ETV6: variants seen among roughly 807,000 people sequenced by gnomAD.
The protein encoded by ETV6 is ETS variant transcription factor 6.
In ETV6, 16 loss-of-function variants were observed where a neutral mutation model predicts 51.1. That is an observed-to-expected ratio of 0.31 (90% CI 0.21 to 0.48). ETV6 has a LOEUF of 0.48. ETV6 is among the 20% of genes least tolerant of loss of function. ETV6 has a pLI of 0.99. For synonymous variants in ETV6, 240 were observed against 224.1 expected (o/e 1.07, Z -0.64); for missense variants, 458 against 594.8 (o/e 0.77, Z 2.39).
rs59376864 is a variant in ETV6 at position 11,893,793 on chromosome 12, T to TC, written c.*2747_*2748insC. The TC allele has an allele frequency of 4.9e-5, 2 of 41,008 alleles. No homozygotes were observed. Among genetic ancestry groups the TC allele is most frequent in the African/African-American group, 2.1e-4 (2 of 9,746 alleles). 2.5% of individuals were successfully genotyped at this position (41,008 alleles called of 1,614,324 possible). On this transcript the variant is annotated 3_prime_UTR_variant, in exon 8 of 8. Transcript: ENST00000396373. ...TGTGTCCATCCCCAAGATCTCTCAT[T>TC]TTATATATATATATATATATATATA...
Position 11,650,492 on chromosome 12 carries a change from AAAACAAAAAAC to A in ETV6, c.33+336_33+346del, listed in dbSNP as rs1443578956. ...GTAATTAGTGCGCTTAAAAAAAAAA[AAAACAAAAAAC>A]AAAAAAAAAAAACCTGCTCCCTATT... On this transcript the variant is annotated intron_variant, in intron 1 of 7. Coordinates refer to ENST00000396373, the MANE Select transcript of ETV6 (RefSeq NM_001987.5). Among the ~76,000 whole-genome samples, 198 of 68,756 alleles carry A rather than the reference AAAACAAAAAAC, an allele frequency of 2.9e-3. 9 individuals carry two copies. Among genetic ancestry groups the A allele is most frequent in the Admixed American group, 4.7e-3 (28 of 5,896 alleles). The allele number at this position is 68,756 out of a possible 152,430, so 45.1% of individuals were successfully genotyped here. A position where few individuals can be genotyped will look rare whatever the true frequency, so the allele number is the denominator to read the frequency against.
chr12:11,885,903 C>T (rs1281220014), intron 6 of ETV6, 23 bp from the exon 7 acceptor site: 12 of 1,566,134 alleles, frequency 7.7e-6, no homozygotes, highest in Admixed American at 6.9e-5. Flanking sequence ...CTTTTTTTCT[C>T]CCTTCCTCCT....
At chr12:11,713,313 T>C (rs1012266276) in intron 1 of ETV6, among the ~76,000 whole-genome samples, 7 of 152,218 alleles carry the variant, frequency 4.6e-5, no homozygotes, top group African/African-American at 1.7e-4. Context: ...GGTAATCACC[T>C]TTTTAGATTT....
At position 11,890,882 on chromosome 12, in the gene ETV6, G is replaced by C. The variant is rs530498882; in HGVS notation, c.1254-59G>C. ...TTCTTTATATACAGGCTAGAGTTCAGAGTGAAGACAGCTTTAGGAAAATGG... is the reference window on the plus strand; with the variant it reads ...TTCTTTATATACAGGCTAGAGTTCACAGTGAAGACAGCTTTAGGAAAATGG... On this transcript the variant is annotated intron_variant, in intron 7 of 7. Coordinates refer to ENST00000396373, the MANE Select transcript of ETV6 (RefSeq NM_001987.5). 7.8e-6 allele frequency: 10 copies of C among 1,287,946 alleles called. No homozygotes were observed. The South Asian group carries it at 1.1e-4, about 14-fold the overall frequency. 79.8% of individuals were successfully genotyped at this position (1,287,946 alleles called of 1,614,324 possible). A position where few individuals can be genotyped will look rare whatever the true frequency, so the allele number is the denominator to read the frequency against.
chr12:11,702,614 C>T (rs1166045496), intron 1 of ETV6, among the ~76,000 whole-genome samples: 1 of 144,642 alleles, frequency 6.9e-6, no homozygotes, highest in Non-Finnish European at 1.5e-5. Flanking sequence ...CTCTTGGTAA[C>T]AAAAGAAGTC....
At chr12:11,776,098 C>T (rs1007877966) in intron 2 of ETV6, among the ~76,000 whole-genome samples, 2 of 152,162 alleles carry the variant, frequency 1.3e-5, no homozygotes, top group Non-Finnish European at 2.9e-5. Flanking sequence ...CAAGATTTAG[C>T]CTGGGAGCTC....
At chr12:11,863,550 A>T (rs1946746726) in intron 4 of ETV6, among the ~76,000 whole-genome samples, 1 of 152,080 alleles carries the variant, frequency 6.6e-6, no homozygotes, top group African/African-American at 2.4e-5. Context: ...CCATATCAAG[A>T]CCTTCAGAAT....
At chr12:11,705,456 T>G (rs1305882567) in intron 1 of ETV6, among the ~76,000 whole-genome samples, 2 of 152,226 alleles carry the variant, frequency 1.3e-5, no homozygotes, top group Admixed American at 1.3e-4. Context: ...TCGATTAGAT[T>G]ATCTGCATTG....
At chr12:11,854,581 C>T (rs972024905) in intron 4 of ETV6, among the ~76,000 whole-genome samples, 3 of 152,132 alleles carry the variant, frequency 2.0e-5, no homozygotes, top group Admixed American at 6.5e-5. Context: ...CAAACATACT[C>T]CAAATAGAAT....
chr12:11,722,996 T>C (rs1865419257), intron 1 of ETV6, among the ~76,000 whole-genome samples: 1 of 152,194 alleles, frequency 6.6e-6, no homozygotes, highest in East Asian at 1.9e-4. Flanking sequence ...GACCGCACTT[T>C]AATAACCACA....
intron 2 of ETV6, among the ~76,000 whole-genome samples, chr12:11,819,873 A>G (rs1181053950): frequency 1.3e-5 from 2 of 152,182 alleles, no homozygotes; most frequent in Admixed American, 1.3e-4. Context: ...CTGCAGCTGG[A>G]GTGATCCTTT....
chr12:11,704,461 C>G (rs1865037141), intron 1 of ETV6, among the ~76,000 whole-genome samples: 1 of 152,116 alleles, frequency 6.6e-6, no homozygotes, highest in Non-Finnish European at 1.5e-5. Flanking sequence ...ATTCTCCTGT[C>G]CCAGCCTCCC....
chr12:11,852,064 G>A (rs1394265195), intron 3 of ETV6, among the ~76,000 whole-genome samples: 1 of 152,220 alleles, frequency 6.6e-6, no homozygotes, highest in Non-Finnish European at 1.5e-5. Context: ...ATATCTGTGT[G>A]TGGAGAAGGG....
At chr12:11,829,508 G>T (rs956038678) in intron 2 of ETV6, among the ~76,000 whole-genome samples, 1 of 152,144 alleles carries the variant, frequency 6.6e-6, no homozygotes, top group Non-Finnish European at 1.5e-5. Flanking sequence ...AATGCTACAT[G>T]GCTCTCACCA....
At chr12:11,674,313 C>T (rs191191791) in intron 1 of ETV6, among the ~76,000 whole-genome samples, 3 of 152,108 alleles carry the variant, frequency 2.0e-5, no homozygotes, top group African/African-American at 7.2e-5. Context: ...GAATTCTGGG[C>T]CAAAGAGCAG....
chr12:11,710,104 G>T (rs906971471), intron 1 of ETV6, among the ~76,000 whole-genome samples: 1 of 152,152 alleles, frequency 6.6e-6, no homozygotes, highest in African/African-American at 2.4e-5. Context: ...AAGGCATTTG[G>T]ATGATTCTGG....
chr12:11,765,223 T>G (rs1270265024), intron 2 of ETV6, among the ~76,000 whole-genome samples: 1 of 152,222 alleles, frequency 6.6e-6, no homozygotes, highest in Non-Finnish European at 1.5e-5. Context: ...TCCCTTGCTC[T>G]GTCTCCTGGT....
chr12:11,774,564 C>G (rs559127755), intron 2 of ETV6, among the ~76,000 whole-genome samples: 2 of 152,120 alleles, frequency 1.3e-5, no homozygotes, highest in Non-Finnish European at 2.9e-5. Flanking sequence ...TGTTGGCTCC[C>G]GAAGCACCTT....
chr12:11,734,436 G>A (rs936027523), intron 1 of ETV6, among the ~76,000 whole-genome samples: 19 of 149,574 alleles, frequency 1.3e-4, no homozygotes, highest in African/African-American at 4.5e-4. Context: ...ACGAAACCTC[G>A]TCTCTACAAA....
Sources: allele counts gnomAD v4.1 joint callset (sites outside exome capture counted in the v4.1 genomes callset), GRCh38; gene constraint gnomAD v4.1.1; transcripts MANE v1.5; gene names NCBI Gene and HGNC (gene_info 2026-07-23, HGNC 2026-07-21).